IGFBP7: variants seen among roughly 807,000 people sequenced by gnomAD.
IGFBP7 encodes insulin-like growth factor-binding protein 7.
IGFBP7 carries 31 observed loss-of-function variants against 29.4 expected under a neutral mutation model. The observed-to-expected ratio is 1.05, with a 90% CI of 0.79 to 1.42. IGFBP7 has a LOEUF of 1.42. IGFBP7 is among the 40% of genes most tolerant of loss of function. The probability of loss-of-function intolerance (pLI) is 0.00; values close to 1 mark genes in which losing one functional copy is unlikely to be tolerated. For missense variants in IGFBP7, 393 were observed against 395.5 expected, an observed-to-expected ratio of 0.99 and a Z score of 0.05; for synonymous variants, 172 against 174.9, an observed-to-expected ratio of 0.98 and a Z score of 0.13.
chr4:57,077,152 C>T (rs9997862), intron 1 of IGFBP7, among the ~76,000 whole-genome samples: 5 of 151,696 alleles, frequency 3.3e-5, no homozygotes, highest in South Asian at 2.1e-4. Flanking sequence ...TGGTGCTCTG[C>T]GTTTATATGA....
At chr4:57,072,486 T>G (rs1725076384) in intron 1 of IGFBP7, among the ~76,000 whole-genome samples, 1 of 152,126 alleles carries the variant, frequency 6.6e-6, no homozygotes, top group Non-Finnish European at 1.5e-5. Flanking sequence ...CGAGCTGTGT[T>G]CACGCCACTG....
At chr4:57,051,536 T>C (rs1053093938) in intron 1 of IGFBP7, among the ~76,000 whole-genome samples, 4 of 152,212 alleles carry the variant, frequency 2.6e-5, no homozygotes, top group African/African-American at 7.2e-5. Flanking sequence ...AAACACTGTT[T>C]AGGGCAAAAG....
intron 1 of IGFBP7, among the ~76,000 whole-genome samples, chr4:57,069,048 G>A (rs1332386098): frequency 6.6e-6 from 1 of 152,146 alleles, no homozygotes; most frequent in Admixed American, 6.5e-5. Flanking sequence ...CATAAGCCTA[G>A]AGGGTCTTAT....
chr4:57,032,552 C>T lies in IGFBP7; in HGVS notation c.703G>A (p.Val235Ile). 4 of 1,611,132 alleles carry T rather than the reference C, an allele frequency of 2.5e-6. No homozygotes were observed. Among genetic ancestry groups the T allele is most frequent in the South Asian group, 2.2e-5 (2 of 91,022 alleles). Residue 235 changes from valine (V) to isoleucine (I), a missense_variant and splice_region_variant, in exon 4 of 5, where the codon GTA becomes ATA. Transcript: ENST00000295666. ...EKHEVTGWVL[V>I]SPLSKEDAGE... ...GCATCTTCCTTACTTAGAGGAGATA[C>T]CTGTGAAAGAAAAAAGATCTAGTAT...
chr4:57,088,413 A>C (rs1252022022), intron 1 of IGFBP7, among the ~76,000 whole-genome samples: 3 of 152,214 alleles, frequency 2.0e-5, no homozygotes, highest in Non-Finnish European at 4.4e-5. Context: ...AGTTTGGGCA[A>C]GAACAGCCCT....
chr4:57,036,054 C>T (rs1724076403), intron 2 of IGFBP7, among the ~76,000 whole-genome samples: 1 of 152,032 alleles, frequency 6.6e-6, no homozygotes, highest in Non-Finnish European at 1.5e-5. Flanking sequence ...TTGGAAACAA[C>T]AGAAAAAATA....
chr4:57,066,653 T>C (rs1724928380), intron 1 of IGFBP7, among the ~76,000 whole-genome samples: 1 of 151,136 alleles, frequency 6.6e-6, no homozygotes, highest in African/African-American at 2.4e-5. Flanking sequence ...AACCTCCGCC[T>C]CTTGGGTTCA....
chr4:57,106,063 C>T (rs958757321), intron 1 of IGFBP7, among the ~76,000 whole-genome samples: 12 of 151,926 alleles, frequency 7.9e-5, no homozygotes, highest in African/African-American at 2.2e-4. Context: ...CCCGCCACCA[C>T]GCCTGGCTAA....
intron 1 of IGFBP7, among the ~76,000 whole-genome samples, chr4:57,044,589 T>G (rs1287861380): frequency 2.0e-5 from 3 of 152,198 alleles, no homozygotes; most frequent in Non-Finnish European, 4.4e-5. Flanking sequence ...TCCAATTGCT[T>G]CAGCACCATT....
chr4:57,067,236 G>A (rs1724940769), intron 1 of IGFBP7, among the ~76,000 whole-genome samples: 1 of 152,108 alleles, frequency 6.6e-6, no homozygotes, highest in Non-Finnish European at 1.5e-5. Context: ...ATACGAAAAA[G>A]AGCTGGAACT....
At chr4:57,079,282 T>G (rs911632515) in intron 1 of IGFBP7, among the ~76,000 whole-genome samples, 10 of 152,176 alleles carry the variant, frequency 6.6e-5, no homozygotes, top group African/African-American at 2.4e-4. Flanking sequence ...CGTGGCATTT[T>G]GCATTGCTAA....
intron 1 of IGFBP7, among the ~76,000 whole-genome samples, chr4:57,051,745 T>G (rs897290511): frequency 4.6e-5 from 7 of 152,256 alleles, no homozygotes; most frequent in African/African-American, 9.6e-5. Context: ...TTCCCCTGCT[T>G]TATTCATCTG....
intron 1 of IGFBP7, among the ~76,000 whole-genome samples, chr4:57,057,999 A>G (rs1381661746): frequency 6.6e-6 from 1 of 152,158 alleles, no homozygotes; most frequent in Non-Finnish European, 1.5e-5. Context: ...TTTCCACCCC[A>G]TATCCATGGG....
intron 1 of IGFBP7, among the ~76,000 whole-genome samples, chr4:57,079,056 T>A (rs1725299084): frequency 6.6e-6 from 1 of 152,222 alleles, no homozygotes; most frequent in Non-Finnish European, 1.5e-5. Context: ...GCCTTCCATT[T>A]AGGGTGAGAA....
intron 1 of IGFBP7, among the ~76,000 whole-genome samples, chr4:57,087,949 A>T (rs1158642362): frequency 6.6e-6 from 1 of 151,588 alleles, no homozygotes; most frequent in East Asian, 1.9e-4. Flanking sequence ...GAGGATTCAG[A>T]CTCTTTTCTT....
intron 1 of IGFBP7, among the ~76,000 whole-genome samples, chr4:57,079,248 T>A (rs1725303560): frequency 6.7e-6 from 1 of 149,096 alleles, no homozygotes; most frequent in Middle Eastern, 3.4e-3. Context: ...GTGTGTGTTT[T>A]AAAAAAACAA....
Position 57,040,839 on chromosome 4 carries a change from G to A in IGFBP7, c.570C>T (p.Val190=), listed in dbSNP as rs1724203828. ...TGCCACAGACCTTGTTCCAGATGAG[G>A]ACAGGTGTCGGGATTCCGATGACCT... ...SCEVIGIPTP[V]LIWNKVKRGH... Residue 190 remains valine, a synonymous_variant, in exon 2 of 5, where the codon GTC becomes GTT. Transcript: ENST00000295666. 6.2e-7 allele frequency: 1 copy of A among 1,611,424 alleles called. No individual in the cohort carries two copies. The highest frequency in any genetic ancestry group is 1.3e-5 in the African/African-American group (1 of 74,900).
chr4:57,039,065 CA>C (rs71208974), intron 2 of IGFBP7, among the ~76,000 whole-genome samples: 25,604 of 103,138 alleles, frequency 0.25, 1,547 homozygotes, highest in East Asian at 0.48. Context: ...AACTATGTCT[CA>C]AAAAAAAAAA....
At chr4:57,091,350 C>T (rs1360301649) in intron 1 of IGFBP7, among the ~76,000 whole-genome samples, 1 of 152,186 alleles carries the variant, frequency 6.6e-6, no homozygotes, top group Non-Finnish European at 1.5e-5. Context: ...CTGCTTCTGA[C>T]ACTCAATTTT....
Sources: gnomAD v4.1 joint callset for allele counts (sites outside exome capture counted in the v4.1 genomes callset) on GRCh38, gnomAD v4.1.1 for gene constraint, MANE v1.5 for transcripts, NCBI Gene and HGNC (gene_info 2026-07-23, HGNC 2026-07-21) for gene names.